Variants in SLC2A13 observed in about 807,000 individuals in gnomAD.
The protein encoded by SLC2A13 is proton myo-inositol cotransporter.
A neutral mutation model predicts 64.4 loss-of-function variants in SLC2A13; 32 were observed. The observed-to-expected ratio is 0.50, with a 90% CI of 0.37 to 0.67. SLC2A13 has a LOEUF of 0.67. SLC2A13 is among the 30% of genes least tolerant of loss of function. The pLI is 0.00. For missense variants in SLC2A13, 743 were observed against 829.2 expected, an observed-to-expected ratio of 0.90 and a Z score of 1.28; for synonymous variants, 338 against 327.1, an observed-to-expected ratio of 1.03 and a Z score of -0.36.
intron 4 of SLC2A13, among the ~76,000 whole-genome samples, chr12:39,947,553 G>A (rs1010586252): frequency 3.9e-5 from 6 of 152,000 alleles, no homozygotes; most frequent in African/African-American, 1.4e-4. Flanking sequence ...GATAATGTGG[G>A]AAGTGTCTAT....
chr12:40,022,193 G>A (rs960761974), intron 3 of SLC2A13, among the ~76,000 whole-genome samples: 1 of 152,176 alleles, frequency 6.6e-6, no homozygotes, highest in Non-Finnish European at 1.5e-5. Context: ...CCAGGCTAGA[G>A]ATCAAACTCT....
At chr12:39,928,065 A>G (rs1565546267) in intron 4 of SLC2A13, among the ~76,000 whole-genome samples, 1 of 152,222 alleles carries the variant, frequency 6.6e-6, no homozygotes, top group South Asian at 2.1e-4. Context: ...TATATATTTA[A>G]GAGTTGTTAC....
chr12:39,896,426 ATATATGTATACATATATGTATATGTGTG>A (rs1565528411), intron 4 of SLC2A13, among the ~76,000 whole-genome samples: 40 of 143,620 alleles, frequency 2.8e-4, no homozygotes, highest in African/African-American at 9.2e-4. Context: ...GTATATGTGT[ATATATGTATACATATATGTATATGTGTG>A]TATATATGTA....
intron 7 of SLC2A13, among the ~76,000 whole-genome samples, chr12:39,768,037 A>T (rs114131723): frequency 1.3e-5 from 2 of 152,094 alleles, no homozygotes. Flanking sequence ...TTTATTAGTT[A>T]TCTTAGGTAG....
At chr12:40,085,459 G>A (rs988984466) in intron 1 of SLC2A13, among the ~76,000 whole-genome samples, 1 of 152,154 alleles carries the variant, frequency 6.6e-6, no homozygotes, top group African/African-American at 2.4e-5. Flanking sequence ...GCTATTTCTA[G>A]GGTGACAGTG....
At chr12:39,905,592 T>C (rs1592271125) in intron 4 of SLC2A13, among the ~76,000 whole-genome samples, 1 of 152,104 alleles carries the variant, frequency 6.6e-6, no homozygotes, top group African/African-American at 2.4e-5. Context: ...TGTGTATGAG[T>C]GAATTTTCCT....
intron 4 of SLC2A13, among the ~76,000 whole-genome samples, chr12:39,896,348 GTATGTATATGTGTATATA>G (rs1944874750): frequency 4.0e-5 from 5 of 126,582 alleles, no homozygotes; most frequent in African/African-American, 1.3e-4. Context: ...ATACATATAT[GTATGTATATGTGTATATA>G]TGTATACATA....
intron 9 of SLC2A13, among the ~76,000 whole-genome samples, chr12:39,761,637 AAAAAT>A (rs1311636636): frequency 1.3e-5 from 2 of 152,154 alleles, no homozygotes; most frequent in African/African-American, 4.8e-5. Flanking sequence ...TTGACAAAAA[AAAAAT>A]GAAAGGAGAT....
intron 1 of SLC2A13, among the ~76,000 whole-genome samples, chr12:40,070,534 G>A (rs1429682523): frequency 2.0e-5 from 3 of 151,996 alleles, no homozygotes; most frequent in Admixed American, 1.3e-4. Context: ...TTGGGTTAAT[G>A]GAAATAATCA....
intron 3 of SLC2A13, among the ~76,000 whole-genome samples, chr12:39,988,692 AGGAAG>A (rs1947077377): frequency 4.6e-5 from 1 of 21,618 alleles, no homozygotes; most frequent in Admixed American, 5.8e-4. Flanking sequence ...GGAGGGAGGG[AGGAAG>A]GAAGGAAGGA....
chr12:40,105,423 C>A lies in SLC2A13; in HGVS notation c.386G>T (p.Gly129Val). 1 of 1,551,734 alleles carries A rather than the reference C, an allele frequency of 6.4e-7. No homozygotes were observed. Among genetic ancestry groups the A allele is most frequent in the Non-Finnish European group, 8.7e-7 (1 of 1,148,754 alleles). ...GGCCAGCGCCGAGACGGCAGCCGCC[C>A]CCACCGTGCTGGACACCAGCAGCTC... ...WQELLVSSTV[G>V]AAAVSALAGG... The change falls in exon 1 of 10, where the codon GGG (glycine) becomes GTG (valine). Residue 129 changes from glycine to valine, a missense_variant. Gly to Val is a moderately radical substitution (Grantham distance 109, BLOSUM62 -3). Around this residue, in one of 2 missense-constraint regions of SLC2A13, gnomAD observed 448 missense variants for 447.4 expected, o/e 1.00. Coordinates refer to ENST00000280871, the MANE Select transcript of SLC2A13 (RefSeq NM_052885.4). This position sits in a 1 kb window ranked among gnomAD's most constrained non-coding sequence, Gnocchi z 4.2.
intron 1 of SLC2A13, among the ~76,000 whole-genome samples, chr12:40,075,999 C>A (rs1292204353): frequency 6.6e-6 from 1 of 152,112 alleles, no homozygotes; most frequent in Non-Finnish European, 1.5e-5. Context: ...ATCACAGTTA[C>A]CAAAGCCAAT....
intron 1 of SLC2A13, among the ~76,000 whole-genome samples, chr12:40,078,149 C>G (rs978108248): frequency 3.3e-5 from 5 of 152,140 alleles, no homozygotes; most frequent in African/African-American, 1.2e-4. Context: ...TTACTTTTCT[C>G]TTGCATGATT....
intron 1 of SLC2A13, among the ~76,000 whole-genome samples, chr12:40,052,433 C>T (rs1948274099): frequency 1.3e-5 from 2 of 151,554 alleles, no homozygotes; most frequent in Non-Finnish European, 2.9e-5. Flanking sequence ...AAAACATGGG[C>T]AAATCATGAG....
chr12:39,776,010 T>C (rs546577475), intron 7 of SLC2A13, among the ~76,000 whole-genome samples: 81 of 152,344 alleles, frequency 5.3e-4, no homozygotes, highest in African/African-American at 1.9e-3. Flanking sequence ...TCAGGAATAC[T>C]GAAACTGTAG....
intron 1 of SLC2A13, among the ~76,000 whole-genome samples, chr12:40,089,657 C>T (rs11564133): frequency 0.12 from 18,618 of 152,124 alleles, 1,542 homozygotes; most frequent in Middle Eastern, 0.18. Flanking sequence ...TCCTAGTGTT[C>T]TCTGTAAGGA....
intron 3 of SLC2A13, among the ~76,000 whole-genome samples, chr12:39,964,867 T>A (rs1946479946): frequency 6.6e-6 from 1 of 152,170 alleles, no homozygotes. Flanking sequence ...CTGCTGAACC[T>A]GCTTTCAGTT....
chr12:39,824,503 C>T (rs572858102), intron 7 of SLC2A13, among the ~76,000 whole-genome samples: 12 of 152,294 alleles, frequency 7.9e-5, no homozygotes, highest in African/African-American at 2.4e-4. Flanking sequence ...CAATCGGAGT[C>T]AGTTACCAGG....
intron 6 of SLC2A13, among the ~76,000 whole-genome samples, chr12:39,839,587 A>G (rs1177666732): frequency 1.3e-5 from 2 of 151,934 alleles, no homozygotes; most frequent in African/African-American, 2.4e-5. Flanking sequence ...CTTTCCTACA[A>G]TGTTCTCATC....
Sources: gnomAD v4.1 joint callset for allele counts (sites outside exome capture counted in the v4.1 genomes callset) on GRCh38, gnomAD v4.1.1 for gene constraint, gnomAD v4.1.1 regional missense constraint, Gnocchi (gnomAD v3.1) non-coding constraint, MANE v1.5 for transcripts, NCBI Gene and HGNC (gene_info 2026-07-23, HGNC 2026-07-21) for gene names.